Variants in ZNF765 observed in about 807,000 individuals in gnomAD.
ZNF765 encodes the protein zinc finger protein 765.
Under a neutral mutation model 44.7 loss-of-function variants are expected in ZNF765, and 37 were observed. The observed-to-expected ratio is 0.83, with a 90% CI of 0.64 to 1.09. The LOEUF is 1.09. Among genes scored for constraint, ZNF765 ranks in the 50% least tolerant of loss-of-function variants. The pLI is 0.00. For synonymous variants in ZNF765, 201 were observed against 213.7 expected, an observed-to-expected ratio of 0.94 and a Z score of 0.52; for missense variants, 594 against 626.1, an observed-to-expected ratio of 0.95 and a Z score of 0.55.
chr19:53,396,232 G>A (rs2927692), intron 1 of ZNF765, among the ~76,000 whole-genome samples: 92,151 of 149,828 alleles, frequency 0.62, 28,219 homozygotes, highest in South Asian at 0.63. Context: ...GATCTGGGGT[G>A]CTAGAGAGTG....
rs115031045 is a variant in ZNF765 at position 53,421,148 on chromosome 19, A to C, written c.143-1914A>C. Among the ~76,000 whole-genome samples the C allele has an allele frequency of 3.2e-3, 487 of 152,310 alleles. 5 individuals carry two copies. The highest frequency in any genetic ancestry group is 0.01 in the African/African-American group (434 of 41,564). On this transcript the variant is annotated intron_variant, in intron 3 of 3. Coordinates refer to the ZNF765 transcript ENST00000594030. ...GCGGCAATACTGCTCTTTACTGCAC[A>C]GAGATGTTTGTGTACGTGCGCATCA...
chr19:53,409,894 T>C lies in ZNF765; in HGVS notation c.*767T>C, dbSNP rs1485655602. On this transcript the variant is annotated 3_prime_UTR_variant, in exon 4 of 4. Coordinates refer to ENST00000396408, the MANE Select transcript of ZNF765 (RefSeq NM_001040185.3). The stretch of plus-strand genomic sequence containing the variant: ...AGGATAATGAGTGTAGAAAAACCTT[T>C]CATGGGCAGTCAGCATTTTACAAAT... 3.1e-6 allele frequency: 2 copies of C among 639,900 alleles called. No homozygotes were observed. Among genetic ancestry groups the C allele is most frequent in the Admixed American group, 3.7e-5 (2 of 53,484 alleles). The allele number at this position is 639,900 out of a possible 1,614,324, so 39.6% of individuals were successfully genotyped here.
chr19:53,399,127 C>T (rs1256284693), intron 2 of ZNF765, among the ~76,000 whole-genome samples: 2 of 151,532 alleles, frequency 1.3e-5, no homozygotes, highest in African/African-American at 4.9e-5. Flanking sequence ...GGTACATGTG[C>T]ACAATGTGCA....
chr19:53,398,255 C>T (rs2085689957), intron 2 of ZNF765, among the ~76,000 whole-genome samples: 1 of 152,140 alleles, frequency 6.6e-6, no homozygotes, highest in Non-Finnish European at 1.5e-5. Flanking sequence ...GGGAAGGGCT[C>T]ACACCCAGAC....
intron 3 of ZNF765, among the ~76,000 whole-genome samples, chr19:53,421,515 A>T (rs1252899934): frequency 1.5e-5 from 2 of 132,504 alleles, no homozygotes; most frequent in Non-Finnish European, 3.2e-5. Flanking sequence ...AATTTTATTT[A>T]TTTATTTTTT....
At chr19:53,402,504 C>T (rs1186501978) in intron 3 of ZNF765, among the ~76,000 whole-genome samples, 2 of 152,218 alleles carry the variant, frequency 1.3e-5, no homozygotes, top group South Asian at 2.1e-4. Context: ...TCGTGATCCA[C>T]ACACCTCGGC....
At position 53,410,864 on chromosome 19, in the gene ZNF765, CT is replaced by C; in HGVS notation, c.*1740del. The C allele has an allele frequency of 2.1e-6, 1 of 472,504 alleles. No homozygotes were observed. The highest frequency in any genetic ancestry group is 4.4e-6 in the Non-Finnish European group (1 of 229,754). 29.3% of individuals were successfully genotyped at this position (472,504 alleles called of 1,614,324 possible). On this transcript the variant is annotated 3_prime_UTR_variant, in exon 4 of 4. Coordinates refer to ENST00000396408, the MANE Select transcript of ZNF765 (RefSeq NM_001040185.3). ...ACAAGTGTGATGATTGCGGCAAAGC[CT>C]TTAATTCACATTCACACCTCACTAG...
At chr19:53,422,786 A>G (rs960700338) in intron 3 of ZNF765, among the ~76,000 whole-genome samples, 64 of 152,240 alleles carry the variant, frequency 4.2e-4, no homozygotes, top group Middle Eastern at 3.4e-3. Flanking sequence ...GCAGCCTGTG[A>G]GAACTGACAG....
intron 1 of ZNF765, among the ~76,000 whole-genome samples, chr19:53,396,638 T>C (rs2147085033): frequency 6.6e-6 from 1 of 152,322 alleles, no homozygotes; most frequent in East Asian, 1.9e-4. Context: ...CTCATTCCTT[T>C]GGCTTCAGCT....
downstream of ZNF765, among the ~76,000 whole-genome samples, chr19:53,416,707 C>T (rs1204405941): frequency 1.3e-5 from 2 of 151,432 alleles, no homozygotes; most frequent in African/African-American, 4.8e-5. Context: ...ATTAACTATA[C>T]ATCAATATAA....
intron 3 of ZNF765, among the ~76,000 whole-genome samples, chr19:53,406,699 G>C (rs1292139085): frequency 6.6e-6 from 1 of 152,192 alleles, no homozygotes; most frequent in Non-Finnish European, 1.5e-5. Flanking sequence ...TGGATCACTT[G>C]AGGTCATAAG....
chr19:53,408,712 A>G lies in ZNF765; in HGVS notation c.1157A>G (p.Asn386Ser). 6.5e-7 allele frequency: 1 copy of G among 1,533,970 alleles called. No homozygotes were observed. Among genetic ancestry groups the G allele is most frequent in the South Asian group, 1.2e-5 (1 of 82,764 alleles). The change falls in exon 4 of 4, where the codon AAT becomes AGT. Residue 386 changes from asparagine to serine, a missense_variant. Coordinates refer to ENST00000396408, the MANE Select transcript of ZNF765 (RefSeq NM_001040185.3). ...VHTGEKPYKC[N>S]ECSKTFSHKS... ...ACTGGAGAGAAACCTTACAAGTGTA[A>G]TGAGTGTAGCAAGACCTTTAGTCAC...
Position 53,408,730 on chromosome 19 carries a change from T to G in ZNF765, c.1175T>G (p.Phe392Cys). 1 of 1,575,222 alleles carries G rather than the reference T, an allele frequency of 6.3e-7. No individual in the cohort carries two copies. The highest frequency in any genetic ancestry group is 1.4e-5 in the African/African-American group (1 of 73,642). ...PYKCNECSKT[F>C]SHKSSLTYHR... is the part of the protein sequence containing the mutation. ...AAGTGTAATGAGTGTAGCAAGACCT[T>G]TAGTCACAAGTCATCTCTTACATAC... The change falls in exon 4 of 4, where the codon TTT becomes TGT. Residue 392 changes from phenylalanine to cysteine, a missense_variant. By Grantham distance (205) the Phe-to-Cys change is radical (BLOSUM62 -2). This residue lies in a region of ZNF765 where 567 missense variants were observed against 572.6 expected (regional missense o/e 0.99). Transcript: ENST00000396408.
downstream of ZNF765, among the ~76,000 whole-genome samples, chr19:53,415,286 A>G (rs77110137): frequency 0.011 from 1,737 of 151,890 alleles, 10 homozygotes; most frequent in Non-Finnish European, 0.016. Flanking sequence ...AAAAAAAGAA[A>G]AGAAAAAGAA....
chr19:53,404,122 T>C (rs1199626664), intron 3 of ZNF765, among the ~76,000 whole-genome samples: 1 of 152,220 alleles, frequency 6.6e-6, no homozygotes, highest in Non-Finnish European at 1.5e-5. Flanking sequence ...TTGTCGCCCA[T>C]GCTGGAGTGC....
At chr19:53,416,048 A>G (rs34363917), downstream of ZNF765, among the ~76,000 whole-genome samples, 116,521 of 151,820 alleles carry the variant, frequency 0.77, 45,743 homozygotes, top group Non-Finnish European at 0.85. Context: ...TCTGCCTCCC[A>G]GGTTAAAGTG....
chr19:53,406,231 AT>A (rs2147095795), intron 3 of ZNF765, among the ~76,000 whole-genome samples: 1 of 151,542 alleles, frequency 6.6e-6, no homozygotes, highest in Non-Finnish European at 1.5e-5. Context: ...GGATTTCACC[AT>A]GTTGGCCAGG....
chr19:53,406,168 A>G (rs1436018057), intron 3 of ZNF765, among the ~76,000 whole-genome samples: 3 of 150,466 alleles, frequency 2.0e-5, no homozygotes, highest in African/African-American at 7.4e-5. Flanking sequence ...AGCTGAGATT[A>G]CAGGCAGCCA....
At position 53,408,330 on chromosome 19, in the gene ZNF765, G is replaced by A; in HGVS notation, c.775G>A (p.Ala259Thr). 2 of 1,614,174 alleles carry A rather than the reference G, an allele frequency of 1.2e-6. No homozygotes were observed. The highest frequency in any genetic ancestry group is 1.7e-6 in the Non-Finnish European group (2 of 1,180,032). Residue 259 changes from alanine (A) to threonine (T), a missense_variant, in exon 4 of 4, where the codon GCA (alanine) becomes ACA (threonine). By Grantham distance (58) the Ala-to-Thr change is moderately conservative. This residue lies in a region of ZNF765 where 567 missense variants were observed against 572.6 expected (regional missense o/e 0.99). Coordinates refer to ENST00000396408, the MANE Select transcript of ZNF765 (RefSeq NM_001040185.3). ...GKVFNSKRYV[A>T]RHRRCHTGEK... ...GGTCTTTAATTCGAAGCGATACGTT[G>A]CACGCCATCGTAGATGTCACACTGG...
Sources: gnomAD v4.1 joint callset for allele counts (sites outside exome capture counted in the v4.1 genomes callset) on GRCh38, gnomAD v4.1.1 for gene constraint, gnomAD v4.1.1 regional missense constraint, MANE v1.5 for transcripts, NCBI Gene and HGNC (gene_info 2026-07-23, HGNC 2026-07-21) for gene names.